GLDC: variants seen among roughly 807,000 people sequenced by gnomAD.
The protein encoded by GLDC is glycine decarboxylase.
A neutral mutation model predicts 121.3 loss-of-function variants in GLDC; 104 were observed. That is an observed-to-expected ratio of 0.86 (90% CI 0.73 to 1.01). GLDC has a LOEUF of 1.01. Ranked by LOEUF, GLDC falls within the 50% of genes least tolerant of loss-of-function variation. The pLI is 0.00. For missense variants in GLDC, 1,429 were observed against 1,306.6 expected (o/e 1.09, Z -1.44); for synonymous variants, 546 against 480.6 (o/e 1.14, Z -1.78).
At chr9:6,631,444 T>C (rs1369778802) in intron 2 of GLDC, among the ~76,000 whole-genome samples, 1 of 152,230 alleles carries the variant, frequency 6.6e-6, no homozygotes, top group African/African-American at 2.4e-5. Flanking sequence ...AGGGATGATA[T>C]GTCTTGTTAT....
chr9:6,604,807 G>A (rs1012648850), intron 6 of GLDC, 23 bp from the exon 7 acceptor site: 1 of 1,596,080 alleles, frequency 6.3e-7, no homozygotes, highest in Non-Finnish European at 8.6e-7. Context: ...TGAGAGAAAA[G>A]GAACAAGGTT....
At chr9:6,555,213 T>C (rs768396046) in intron 18 of GLDC, among the ~76,000 whole-genome samples, 2 of 151,976 alleles carry the variant, frequency 1.3e-5, no homozygotes, top group Non-Finnish European at 2.9e-5. Flanking sequence ...AACGGCCCCG[T>C]TGGGCACAGT....
chr9:6,595,268 T>C (rs960360648), intron 8 of GLDC, 149 bp from the exon 9 acceptor site: 2 of 720,846 alleles, frequency 2.8e-6, no homozygotes, highest in East Asian at 2.6e-5. Flanking sequence ...GGACAATTAA[T>C]ATATAACCTG....
At chr9:6,567,537 CA>C (rs1262536791) in intron 15 of GLDC, 1 of 152,266 alleles carries the variant, frequency 6.6e-6, no homozygotes, top group Non-Finnish European at 1.5e-5. Flanking sequence ...CAACTCTCTG[CA>C]AAGCCTTCCC....
intron 24 of GLDC, 92 bp from the exon 25 acceptor site, chr9:6,533,252 G>C (rs1382833331): frequency 5.0e-6 from 5 of 1,007,674 alleles, no homozygotes; most frequent in Non-Finnish European, 8.0e-6. Flanking sequence ...CACAACCTAA[G>C]ACACCATCAG....
At chr9:6,558,205 G>C (rs1817676550) in intron 17 of GLDC, 1 of 524,728 alleles carries the variant, frequency 1.9e-6, no homozygotes, top group Non-Finnish European at 3.4e-6. Context: ...GCTGACATTT[G>C]TGTTACAATT....
rs1187129775 is a variant in GLDC at position 6,558,547 on chromosome 9, G to A, written c.2052+12C>T. On this transcript the variant is annotated intron_variant, in intron 17 of 24. Coordinates refer to ENST00000321612, the MANE Select transcript of GLDC (RefSeq NM_000170.3). The stretch of plus-strand genomic sequence containing the variant: ...CCCGGCCTCTCCCATCTGCTAAGGA[G>A]AAGACAAGTACCATGGCCTTGAGGT... 2 of 1,614,112 alleles carry A rather than the reference G, an allele frequency of 1.2e-6. No individual in the cohort carries two copies. Among genetic ancestry groups the A allele is most frequent in the Admixed American group, 1.7e-5 (1 of 60,016 alleles).
intron 8 of GLDC, among the ~76,000 whole-genome samples, chr9:6,597,727 G>T (rs1438572104): frequency 3.3e-5 from 5 of 152,146 alleles, no homozygotes; most frequent in Non-Finnish European, 5.9e-5. Flanking sequence ...ATGAGGTCAG[G>T]AGATCGAGAC....
Position 6,645,462 on chromosome 9 carries a change from C to A in GLDC, c.38G>T (p.Gly13Val). ...GCGGCGGCCGCCCCCGACCCCGCGG[C>A]CCAGGCGCAGCCCCCACGCCCTGGC... ...SCARAWGLRL[G>V]RGVGGGRRLA... The change falls in exon 1 of 25, where the codon GGC becomes GTC. Residue 13 changes from glycine to valine, a missense_variant. Gly to Val is a moderately radical substitution (Grantham distance 109, BLOSUM62 -3). Transcript: ENST00000321612. 8.0e-7 allele frequency: 1 copy of A among 1,251,324 alleles called. No homozygotes were observed. Among genetic ancestry groups the A allele is most frequent in the African/African-American group, 1.6e-5 (1 of 63,688 alleles). 77.5% of individuals were successfully genotyped at this position (1,251,324 alleles called of 1,614,324 possible).
At chr9:6,637,757 G>A (rs1335652877) in intron 2 of GLDC, among the ~76,000 whole-genome samples, 2 of 152,068 alleles carry the variant, frequency 1.3e-5, no homozygotes, top group African/African-American at 4.8e-5. Flanking sequence ...ATGAGCCACT[G>A]TGCCCAGCCA....
chr9:6,561,782 C>G (rs1817764748), intron 16 of GLDC, among the ~76,000 whole-genome samples: 1 of 152,134 alleles, frequency 6.6e-6, no homozygotes, highest in South Asian at 2.1e-4. Flanking sequence ...TTTCTCAACT[C>G]CCCAGGGTGC....
rs1267445922 is a variant in GLDC at position 6,604,657 on chromosome 9, T to C, written c.989A>G (p.His330Arg). 6.2e-7 allele frequency: 1 copy of C among 1,614,044 alleles called. No homozygotes were observed. The highest frequency in any genetic ancestry group is 8.5e-7 in the Non-Finnish European group (1 of 1,180,022). The change falls in exon 7 of 25, where the codon CAT becomes CGT. Residue 330 changes from histidine (H) to arginine (R), a missense_variant. His to Arg is a conservative substitution (Grantham distance 29, BLOSUM62 0). Coordinates refer to ENST00000321612, the MANE Select transcript of GLDC (RefSeq NM_000170.3). Reference sequence around the variant, plus strand: ...TTCTCGGACAGCAAAAAATGCTGCATGGGGTCCCCCATAGCCCAGTGGCAC... The same window carrying C: ...TTCTCGGACAGCAAAAAATGCTGCACGGGGTCCCCCATAGCCCAGTGGCAC... ...FGVPLGYGGP[H>R]AAFFAVRESL... is the part of the protein sequence containing the mutation.
intron 15 of GLDC, among the ~76,000 whole-genome samples, chr9:6,570,854 CAAA>C (rs34740127): frequency 4.0e-5 from 4 of 99,486 alleles, no homozygotes; most frequent in African/African-American, 3.9e-5. Flanking sequence ...AACTCTGTCT[CAAA>C]AAAAAAAAAA....
intron 21 of GLDC, chr9:6,540,392 C>A: frequency 2.1e-6 from 1 of 486,130 alleles, no homozygotes; most frequent in South Asian, 2.1e-5. Flanking sequence ...CACCTGTGAA[C>A]CTGATTATGG....
At chr9:6,628,614 C>T (rs1162022649) in intron 2 of GLDC, among the ~76,000 whole-genome samples, 1 of 152,048 alleles carries the variant, frequency 6.6e-6, no homozygotes, top group Non-Finnish European at 1.5e-5. Flanking sequence ...AGTGAGACCT[C>T]GTCTCTACAA....
intron 3 of GLDC, 52 bp downstream of exon 3, chr9:6,620,132 G>T (rs978532964): frequency 3.2e-6 from 5 of 1,570,836 alleles, no homozygotes; most frequent in Non-Finnish European, 4.4e-6. Context: ...GGAGGATGGA[G>T]AGAATTATGC....
chr9:6,625,747 G>C (rs1348645233), intron 2 of GLDC, among the ~76,000 whole-genome samples: 1 of 151,988 alleles, frequency 6.6e-6, no homozygotes, highest in Non-Finnish European at 1.5e-5. Context: ...TCCTATGATA[G>C]TAGCCCTAGC....
intron 15 of GLDC, among the ~76,000 whole-genome samples, chr9:6,573,942 T>C (rs942434450): frequency 1.3e-5 from 2 of 152,234 alleles, no homozygotes; most frequent in Non-Finnish European, 2.9e-5. Flanking sequence ...TGAAACTCCA[T>C]GTACTGCATG....
intron 2 of GLDC, among the ~76,000 whole-genome samples, chr9:6,635,426 C>A (rs1001980174): frequency 1.3e-5 from 2 of 152,126 alleles, no homozygotes; most frequent in African/African-American, 2.4e-5. Flanking sequence ...TCCTATGTAC[C>A]ATAATAGCCC....
Sources: gnomAD v4.1 joint callset for allele counts (sites outside exome capture counted in the v4.1 genomes callset) on GRCh38, gnomAD v4.1.1 for gene constraint, MANE v1.5 for transcripts, NCBI Gene and HGNC (gene_info 2026-07-23, HGNC 2026-07-21) for gene names.